The following SGCZ variants were observed in gnomAD, a reference collection of about 807,000 sequenced individuals.
The protein encoded by SGCZ is zeta-sarcoglycan.
A neutral mutation model predicts 41.3 loss-of-function variants in SGCZ; 40 were observed. The ratio of observed to expected loss-of-function variants is 0.97; its 90% CI spans 0.75 to 1.26. The LOEUF is 1.26. Ranked by LOEUF, SGCZ falls within the 50% of genes most tolerant of loss-of-function variation. The pLI, the probability that SGCZ is intolerant of heterozygous loss-of-function variation, is 0.00. For synonymous variants in SGCZ, 206 were observed against 137.5 expected (o/e 1.50, Z -3.49); for missense variants, 552 against 369.8 (o/e 1.49, Z -4.04).
intron 2 of SGCZ, among the ~76,000 whole-genome samples, chr8:14,365,997 G>C (rs1803691897): frequency 6.6e-6 from 1 of 151,798 alleles, no homozygotes; most frequent in Non-Finnish European, 1.5e-5. Flanking sequence ...CTCTATTTCT[G>C]ATTTTCTTTC....
At chr8:14,892,913 A>G (rs1420456906) in intron 1 of SGCZ, among the ~76,000 whole-genome samples, 6 of 152,142 alleles carry the variant, frequency 3.9e-5, no homozygotes, top group Admixed American at 3.9e-4. Context: ...GCTTAGACCA[A>G]GAAGTTTGCA....
chr8:14,285,589 A>G (rs200669777), intron 3 of SGCZ, among the ~76,000 whole-genome samples: 51 of 9,504 alleles, frequency 5.4e-3, no homozygotes, highest in Admixed American at 9.4e-3. Context: ...TGTGTTAAAA[A>G]TAAAACAAAT....
chr8:14,749,665 G>C (rs980784708), intron 1 of SGCZ, among the ~76,000 whole-genome samples: 3 of 152,086 alleles, frequency 2.0e-5, no homozygotes, highest in African/African-American at 4.8e-5. Context: ...ATGGTTAGGA[G>C]AATTGTTACC....
At chr8:14,247,524 T>C (rs1433804672) in intron 3 of SGCZ, among the ~76,000 whole-genome samples, 3 of 152,186 alleles carry the variant, frequency 2.0e-5, no homozygotes, top group Non-Finnish European at 4.4e-5. Context: ...TCTAGACTCA[T>C]TATCCTAAAA....
intron 2 of SGCZ, among the ~76,000 whole-genome samples, chr8:14,532,595 A>G (rs1803166247): frequency 6.6e-6 from 1 of 151,556 alleles, no homozygotes; most frequent in African/African-American, 2.4e-5. Flanking sequence ...CTAGAAAATG[A>G]TAATAATGCA....
At chr8:15,015,613 G>C (rs919128322) in intron 1 of SGCZ, among the ~76,000 whole-genome samples, 1 of 150,630 alleles carries the variant, frequency 6.6e-6, no homozygotes, top group East Asian at 2.0e-4. Context: ...GCGTGAACCC[G>C]GGAGGCAGAG....
At chr8:14,247,738 G>T (rs1323716694) in intron 3 of SGCZ, among the ~76,000 whole-genome samples, 2 of 152,106 alleles carry the variant, frequency 1.3e-5, no homozygotes, top group South Asian at 2.1e-4. Flanking sequence ...TGAGGGTAAT[G>T]TTGCCCTCAC....
intron 3 of SGCZ, among the ~76,000 whole-genome samples, chr8:14,300,939 G>A (rs1316251450): frequency 6.6e-6 from 1 of 151,916 alleles, no homozygotes; most frequent in Non-Finnish European, 1.5e-5. Context: ...GTTCAAGAAG[G>A]AGGTAGAGTG....
chr8:15,194,298 G>A (rs17121131), intron 1 of SGCZ, among the ~76,000 whole-genome samples: 1,799 of 151,446 alleles, frequency 0.012, 37 homozygotes, highest in African/African-American at 0.041. Flanking sequence ...TCTGTAAAAG[G>A]TTGTGCCTAT....
At chr8:14,373,057 A>T (rs536947868) in intron 2 of SGCZ, among the ~76,000 whole-genome samples, 156 of 152,314 alleles carry the variant, frequency 1.0e-3, no homozygotes, top group African/African-American at 3.6e-3. Flanking sequence ...GAAGGAGAAG[A>T]TCAGTCAAGA....
At chr8:14,314,056 G>A (rs1801634698) in intron 3 of SGCZ, among the ~76,000 whole-genome samples, 1 of 151,898 alleles carries the variant, frequency 6.6e-6, no homozygotes, top group Non-Finnish European at 1.5e-5. Context: ...TTTTTTGTAA[G>A]GCTTCAGTAG....
chr8:14,314,637 G>C (rs1801655869), intron 3 of SGCZ, among the ~76,000 whole-genome samples: 3 of 152,104 alleles, frequency 2.0e-5, no homozygotes. Context: ...ACTACAATCA[G>C]TAGGTAAGTG....
chr8:14,261,834 A>T (rs1194521798), intron 3 of SGCZ, among the ~76,000 whole-genome samples: 1 of 152,200 alleles, frequency 6.6e-6, no homozygotes, highest in African/African-American at 2.4e-5. Context: ...AATATATTAA[A>T]AACTAACTGG....
At chr8:14,231,416 G>A (rs980497531) in intron 4 of SGCZ, among the ~76,000 whole-genome samples, 1 of 151,898 alleles carries the variant, frequency 6.6e-6, no homozygotes, top group Non-Finnish European at 1.5e-5. Flanking sequence ...TGTTATTTCA[G>A]AAACAAACAG....
Position 14,090,471 on chromosome 8 carries a change from G to T in SGCZ, c.911C>A (p.Ser304Tyr). ...GCTCCACAGGCAGATGTTGCTACTG[G>T]ACTGACAAGTGGAACCTACTCCTGC... ...SPAGVGSTCQSSSNICLWS is the reference protein window; with the variant it reads ...SPAGVGSTCQYSSNICLWS Residue 304 changes from serine to tyrosine, a missense_variant, in exon 8 of 8, where the codon TCC becomes TAC. Transcript: ENST00000382080. 6.2e-7 allele frequency: 1 copy of T among 1,612,916 alleles called. No homozygotes were observed. The highest frequency in any genetic ancestry group is 1.1e-5 in the South Asian group (1 of 91,024).
intron 5 of SGCZ, among the ~76,000 whole-genome samples, chr8:14,119,604 G>C (rs1802635005): frequency 6.6e-6 from 1 of 152,138 alleles, no homozygotes; most frequent in African/African-American, 2.4e-5. Context: ...TGTTGAATAG[G>C]AGTGGTGAGA....
chr8:14,238,443 A>G (rs868611095), intron 3 of SGCZ, among the ~76,000 whole-genome samples: 5 of 152,232 alleles, frequency 3.3e-5, no homozygotes, highest in African/African-American at 7.2e-5. Flanking sequence ...AGGATTTCAC[A>G]AGGAAGTATA....
intron 1 of SGCZ, among the ~76,000 whole-genome samples, chr8:15,107,752 TAG>T (rs1185153743): frequency 6.6e-6 from 1 of 152,206 alleles, no homozygotes; most frequent in Non-Finnish European, 1.5e-5. Context: ...TCAATGTTTG[TAG>T]AGAGTTCACT....
At chr8:14,411,183 A>T (rs1799350867) in intron 2 of SGCZ, among the ~76,000 whole-genome samples, 1 of 152,152 alleles carries the variant, frequency 6.6e-6, no homozygotes, top group Non-Finnish European at 1.5e-5. Context: ...TTTCATTAAT[A>T]ATATTTATAA....
Sources: allele counts gnomAD v4.1 joint callset (sites outside exome capture counted in the v4.1 genomes callset), GRCh38; gene constraint gnomAD v4.1.1; transcripts MANE v1.5; gene names NCBI Gene and HGNC (gene_info 2026-07-23, HGNC 2026-07-21).